PRSS37: variants seen among roughly 807,000 people sequenced by gnomAD.
PRSS37 encodes the protein probable inactive serine protease 37.
In PRSS37, 25 loss-of-function variants were observed where a neutral mutation model predicts 28.0. The observed-to-expected ratio is 0.89, with a 90% confidence interval of 0.65 to 1.25. The LOEUF is 1.25. Ranked by LOEUF, PRSS37 falls within the 50% of genes most tolerant of loss-of-function variation. The pLI is 0.00. For synonymous variants in PRSS37, 109 were observed against 107.8 expected, an observed-to-expected ratio of 1.01 and a Z score of -0.07; for missense variants, 282 against 292.2, an observed-to-expected ratio of 0.97 and a Z score of 0.25.
intron 2 of PRSS37, 79 bp from the exon 3 acceptor site, chr7:141,838,192 G>A (rs765285568): frequency 7.6e-5 from 121 of 1,583,818 alleles, no homozygotes; most frequent in Non-Finnish European, 9.9e-5. Context: ...AAAGTGCCAG[G>A]AACTGTACCA....
chr7:141,840,870 G>T, intron 1 of PRSS37, 146 bp downstream of exon 1: 1 of 767,360 alleles, frequency 1.3e-6, no homozygotes, highest in Non-Finnish European at 2.1e-6. Flanking sequence ...AGAGCCTTTG[G>T]ATGGAGTCTG....
rs1278854551 is a variant in PRSS37, at chr7:141,838,420, CCTAT to C, written c.177-311_177-308del. 10 of 1,232,536 alleles carry C rather than the reference CCTAT, an allele frequency of 8.1e-6. No homozygotes were observed. In the African/African-American group the frequency reaches 1.4e-4, roughly 17 times the overall value. 76.3% of individuals were successfully genotyped at this position (1,232,536 alleles called of 1,614,324 possible). The stretch of plus-strand genomic sequence containing the variant: ...ATGTCAAGGAAATGTAATTTTCTCG[CCTAT>C]CTAACTGAACAATGTCCATTTTGGT... On this transcript the variant is annotated intron_variant, in intron 2 of 4. Transcript: ENST00000350549.
intron 3 of PRSS37, 76 bp from the exon 4 acceptor site, chr7:141,837,324 T>G: frequency 6.8e-7 from 1 of 1,473,636 alleles, no homozygotes; most frequent in Non-Finnish European, 9.2e-7. Context: ...CAGCCTCTAT[T>G]TCAACTGGTA....
chr7:141,837,342 G>C, intron 3 of PRSS37, 94 bp from the exon 4 acceptor site: 1 of 1,423,202 alleles, frequency 7.0e-7, no homozygotes, highest in Non-Finnish European at 9.5e-7. Context: ...GTATCTTTTT[G>C]TGTGTGTTTA....
intron 2 of PRSS37, chr7:141,838,936 C>T (rs1461205150): frequency 8.7e-6 from 4 of 457,582 alleles, no homozygotes; most frequent in African/African-American, 6.0e-5. Context: ...TAAAACTCAC[C>T]TCAATTGACC....
intron 3 of PRSS37, 50 bp from the exon 4 acceptor site, chr7:141,837,298 T>TAA (rs1238246507): frequency 6.4e-7 from 1 of 1,550,648 alleles, no homozygotes; most frequent in Middle Eastern, 1.7e-4. Flanking sequence ...GTGGTTATTT[T>TAA]AGTCCTTCTG....
intron 2 of PRSS37, chr7:141,838,824 A>G (rs1801060470): frequency 2.8e-6 from 1 of 359,592 alleles, no homozygotes; most frequent in South Asian, 2.2e-5. Flanking sequence ...TTTTAGGCCT[A>G]GAGGTGGTAA....
At chr7:141,837,349 T>G in intron 3 of PRSS37, 101 bp from the exon 4 acceptor site, 1 of 1,399,618 alleles carries the variant, frequency 7.1e-7, no homozygotes. Flanking sequence ...TTTGTGTGTG[T>G]TTAAAGAAAA....
rs950378607 is a variant in PRSS37, at chr7:141,836,364, G to A, written c.*31C>T. ...ATCTGCTTGTATAGTCCATGGCAGAGCCAGTGGAATGCAGAGGGAGAAGTA... is the reference window on the plus strand; with the variant it reads ...ATCTGCTTGTATAGTCCATGGCAGAACCAGTGGAATGCAGAGGGAGAAGTA... On this transcript the variant is annotated 3_prime_UTR_variant, in exon 5 of 5. Coordinates refer to ENST00000350549, the MANE Select transcript of PRSS37 (RefSeq NM_001008270.3). The A allele has an allele frequency of 1.9e-5, 30 of 1,607,982 alleles. 1 individual carries two copies. In the South Asian group the frequency reaches 2.8e-4, roughly 15 times the overall value.
In PRSS37 at chr7:141,841,026, A is replaced by C. The variant is rs1212835846; in HGVS notation, c.24T>G (p.Gly8=). The change falls in exon 1 of 5, where the codon GGT becomes GGG. Residue 8 remains glycine (G), a synonymous_variant. Coordinates refer to ENST00000350549, the MANE Select transcript of PRSS37 (RefSeq NM_001008270.3). ...GTCTTGAGTACATACCAGCGAGGACACCCAAATAGAAGACATATTTCATGG... is the reference window on the plus strand; with the variant it reads ...GTCTTGAGTACATACCAGCGAGGACCCCCAAATAGAAGACATATTTCATGG... MKYVFYL[G]VLAGTFFFAD... 2 of 1,613,710 alleles carry C rather than the reference A, an allele frequency of 1.2e-6. No homozygotes were observed. Among genetic ancestry groups the C allele is most frequent in the East Asian group, 4.5e-5 (2 of 44,882 alleles).
At chr7:141,837,763 C>G in intron 3 of PRSS37, 97 bp downstream of exon 3, 1 of 1,558,662 alleles carries the variant, frequency 6.4e-7, no homozygotes, top group Non-Finnish European at 8.7e-7. Flanking sequence ...TCTCCTTTCA[C>G]TCTCCTTTCC....
intron 1 of PRSS37, among the ~76,000 whole-genome samples, chr7:141,840,119 T>C (rs768731561): frequency 1.7e-4 from 26 of 152,164 alleles, no homozygotes; most frequent in Non-Finnish European, 2.9e-4. Flanking sequence ...AAAAAATATA[T>C]AGATTCTGAG....
At chr7:141,838,476 T>C (rs972379803) in intron 2 of PRSS37, 71 of 1,145,450 alleles carry the variant, frequency 6.2e-5, no homozygotes, top group Non-Finnish European at 7.6e-5. Context: ...ATAACCTAGT[T>C]CTGGGTGTCT....
At chr7:141,839,628 G>A in intron 1 of PRSS37, 149 bp from the exon 2 acceptor site, 1 of 581,664 alleles carries the variant, frequency 1.7e-6, no homozygotes, top group Non-Finnish European at 2.9e-6. Context: ...TAATAAAAAT[G>A]TAAATTAAAA....
chr7:141,837,765 C>T, intron 3 of PRSS37, 95 bp downstream of exon 3: 5 of 1,559,410 alleles, frequency 3.2e-6, no homozygotes, highest in Non-Finnish European at 4.4e-6. Flanking sequence ...TCCTTTCACT[C>T]TCCTTTCCTC....
chr7:141,838,564 A>T (rs781713484), intron 2 of PRSS37: 16 of 604,194 alleles, frequency 2.6e-5, no homozygotes, highest in Middle Eastern at 7.4e-4. Context: ...ACATATATGG[A>T]TTTAATCAGT....
intron 4 of PRSS37, among the ~76,000 whole-genome samples, chr7:141,836,880 G>C (rs1301446835): frequency 6.6e-6 from 1 of 152,110 alleles, no homozygotes; most frequent in Non-Finnish European, 1.5e-5. Context: ...GTAGTTATAA[G>C]AATGAATACC....
At chr7:141,837,759 T>C (rs1172547467) in intron 3 of PRSS37, 101 bp downstream of exon 3, 11 of 1,559,222 alleles carry the variant, frequency 7.1e-6, no homozygotes, top group South Asian at 1.2e-5. Flanking sequence ...TGGGTCTCCT[T>C]TCACTCTCCT....
In PRSS37 at chr7:141,841,128, G is replaced by T; in HGVS notation, c.-79C>A. On this transcript the variant is annotated 5_prime_UTR_variant, in exon 1 of 5. It adds an upstream start codon to the 5' untranslated region. Coordinates refer to ENST00000350549, the MANE Select transcript of PRSS37 (RefSeq NM_001008270.3). ...AGCGGTTGGCTTAGTTGTCTTCTCA[G>T]GAACACCTGGTAGACTCAGTGGCTA... 1 of 1,605,390 alleles carries T rather than the reference G, an allele frequency of 6.2e-7. No homozygotes were observed. The highest frequency in any genetic ancestry group is 1.1e-5 in the South Asian group (1 of 90,448).
Sources: allele counts gnomAD v4.1 joint callset (sites outside exome capture counted in the v4.1 genomes callset), GRCh38; gene constraint gnomAD v4.1.1; transcripts MANE v1.5; gene names NCBI Gene and HGNC (gene_info 2026-07-23, HGNC 2026-07-21).